Variants in MC2R observed in about 807,000 individuals in gnomAD.
MC2R encodes melanocortin 2 receptor, also known as adrenocorticotropic hormone receptor.
A neutral mutation model predicts 9.8 loss-of-function variants in MC2R; 9 were observed. That is an observed-to-expected ratio of 0.92 (90% CI 0.55 to 1.60). The LOEUF is 1.60. MC2R is among the 40% of genes most tolerant of loss of function. The pLI, the probability that MC2R is intolerant of heterozygous loss-of-function variation, is 0.00. For synonymous variants in MC2R, 185 were observed against 154.7 expected (o/e 1.20, Z -1.45); for missense variants, 370 against 389.0 (o/e 0.95, Z 0.41).
At chr18:13,902,152 TATG>T (rs1204800616) in intron 1 of MC2R, among the ~76,000 whole-genome samples, 1 of 151,998 alleles carries the variant, frequency 6.6e-6, no homozygotes, top group Non-Finnish European at 1.5e-5. Flanking sequence ...ACAAAAACCA[TATG>T]ATAATTTCAA....
At chr18:13,890,217 C>T (rs1450111511) in intron 1 of MC2R, among the ~76,000 whole-genome samples, 1 of 152,116 alleles carries the variant, frequency 6.6e-6, no homozygotes, top group African/African-American at 2.4e-5. Flanking sequence ...GGAGTTAATG[C>T]TACAGAAAGC....
rs1200270850 is a variant in MC2R, at chr18:13,883,009, A to G, written c.*1616T>C. On this transcript the variant is annotated 3_prime_UTR_variant, in exon 2 of 2. Transcript: ENST00000327606. The stretch of plus-strand genomic sequence containing the variant: ...TGAAAGCACGCCTGCCACTGTCCTC[A>G]CTTGACTCCAGCTGCCTTGCCTCCT... 1 of 152,284 alleles carries G rather than the reference A, an allele frequency of 6.6e-6. No homozygotes were observed. The highest frequency in any genetic ancestry group is 1.9e-4 in the East Asian group (1 of 5,180). 9.4% of individuals were successfully genotyped at this position (152,284 alleles called of 1,614,324 possible). A position where few individuals can be genotyped will look rare whatever the true frequency, so the allele number is the denominator to read the frequency against.
rs1255384508 is a variant in MC2R, at chr18:13,885,161, TG to T, written c.357del (p.Phe119LeufsTer5). The part of the protein sequence containing the change: ...LFVLSLLGSI[F>X]SLSVIAADRY... ...CGGTCCGCAGCAATCACAGACAGGC[TG>T]AAGATGGAGCCAAGCAGGGAGAGGA... On this transcript the variant is annotated frameshift_variant, in exon 2 of 2. Transcript: ENST00000327606. LOFTEE classifies it high-confidence loss of function. 22 of 1,613,964 alleles carry T rather than the reference TG, an allele frequency of 1.4e-5. No homozygotes were observed. The highest frequency in any genetic ancestry group is 1.9e-5 in the Non-Finnish European group (22 of 1,180,032).
intron 1 of MC2R, among the ~76,000 whole-genome samples, chr18:13,890,261 C>G (rs2045308131): frequency 6.6e-6 from 1 of 151,886 alleles, no homozygotes; most frequent in African/African-American, 2.4e-5. Context: ...GTCCTGGGGC[C>G]CATGGGCTGT....
Position 13,885,013 on chromosome 18 carries a change from G to A in MC2R, c.506C>T (p.Ser169Phe). ...TGTGITMVIF[S>F]HHVPTVITFT... ...GGTGATCACTGTGGGCACATGATGG[G>A]AGAAGATCACCATGGTGATGCCAGT... Residue 169 changes from serine (S) to phenylalanine (F), a missense_variant, in exon 2 of 2, where the codon TCC becomes TTC. Ser to Phe is a radical substitution (Grantham distance 155, BLOSUM62 -2). Transcript: ENST00000327606. 6.2e-7 allele frequency: 1 copy of A among 1,614,184 alleles called. No homozygotes were observed. The highest frequency in any genetic ancestry group is 1.7e-5 in the Admixed American group (1 of 60,028).
intron 1 of MC2R, among the ~76,000 whole-genome samples, chr18:13,898,274 G>A (rs1312774107): frequency 1.3e-5 from 2 of 152,188 alleles, no homozygotes; most frequent in Non-Finnish European, 2.9e-5. Context: ...TGGTTACAGG[G>A]TAAGGCTCCT....
At chr18:13,896,625 A>G (rs2045347546) in intron 1 of MC2R, among the ~76,000 whole-genome samples, 2 of 152,240 alleles carry the variant, frequency 1.3e-5, no homozygotes, top group African/African-American at 4.8e-5. Context: ...TTTATTAAAT[A>G]TAGGTATCTA....
chr18:13,905,753 C>G (rs1055463981), intron 1 of MC2R, among the ~76,000 whole-genome samples: 1 of 152,154 alleles, frequency 6.6e-6, no homozygotes, highest in Non-Finnish European at 1.5e-5. Flanking sequence ...TGGGTATATA[C>G]CCAAAGAAAT....
At chr18:13,889,844 G>C (rs1360860423) in intron 1 of MC2R, among the ~76,000 whole-genome samples, 1 of 152,092 alleles carries the variant, frequency 6.6e-6, no homozygotes, top group Non-Finnish European at 1.5e-5. Flanking sequence ...CAATACAAGG[G>C]AGTCCTATTC....
At chr18:13,900,980 A>G (rs975153488) in intron 1 of MC2R, among the ~76,000 whole-genome samples, 1 of 152,184 alleles carries the variant, frequency 6.6e-6, no homozygotes, top group African/African-American at 2.4e-5. Context: ...ATTCTCAAGG[A>G]CAGACCATAT....
At chr18:13,909,795 T>C (rs1296393136) in intron 1 of MC2R, among the ~76,000 whole-genome samples, 1 of 152,194 alleles carries the variant, frequency 6.6e-6, no homozygotes. Flanking sequence ...CTCAACTTGT[T>C]ATTTCCTGAC....
chr18:13,912,272 G>T (rs369369922), intron 1 of MC2R, among the ~76,000 whole-genome samples: 1 of 152,194 alleles, frequency 6.6e-6, no homozygotes, highest in South Asian at 2.1e-4. Context: ...AAGGGTAGGT[G>T]TTCCTATTTC....
intron 1 of MC2R, among the ~76,000 whole-genome samples, chr18:13,898,101 T>A (rs1031962034): frequency 2.0e-5 from 3 of 151,952 alleles, no homozygotes; most frequent in African/African-American, 7.3e-5. Flanking sequence ...GATTGACAAA[T>A]GGACAGCATT....
At chr18:13,901,025 A>G (rs1434765227) in intron 1 of MC2R, among the ~76,000 whole-genome samples, 1 of 152,200 alleles carries the variant, frequency 6.6e-6, no homozygotes. Flanking sequence ...AACATTCAAA[A>G]AAATTGAAAT....
rs994049148 is a variant in MC2R at position 13,882,314 on chromosome 18, C to A, written c.*2311G>T. ...CTATATGAAGTTAGAGGTAGAAAAACGTGAGTTTTCTCAGTAACTATGAGC... is the reference window on the plus strand; with the variant it reads ...CTATATGAAGTTAGAGGTAGAAAAAAGTGAGTTTTCTCAGTAACTATGAGC... On this transcript the variant is annotated 3_prime_UTR_variant, in exon 2 of 2. Transcript: ENST00000327606. The A allele has an allele frequency of 1.3e-5, 2 of 152,164 alleles. No individual in the cohort carries two copies. The highest frequency in any genetic ancestry group is 1.5e-5 in the Non-Finnish European group (1 of 68,032). 9.4% of individuals were successfully genotyped at this position (152,164 alleles called of 1,614,324 possible).
rs34352644 is a variant in MC2R at position 13,892,805 on chromosome 18, TACACACACACAC to T, written c.-128-7171_-128-7160del. 2.6e-3 allele frequency among the ~76,000 whole-genome samples: 382 copies of T among 147,196 alleles called. 1 individual carries two copies. The highest frequency in any genetic ancestry group is 6.9e-3 in the Middle Eastern group (2 of 288). On this transcript the variant is annotated intron_variant, in intron 1 of 1. Coordinates refer to ENST00000327606, the MANE Select transcript of MC2R (RefSeq NM_000529.2). ...AGAGATGGAGATAGACATAATCTGT[TACACACACACAC>T]ACACACACACACACACACACACACA...
rs1490561558 is a variant in MC2R at position 13,883,619 on chromosome 18, ACACACACACTCTCTCTCTCTCT to A, written c.*984_*1005del. On this transcript the variant is annotated 3_prime_UTR_variant, in exon 2 of 2. Coordinates refer to ENST00000327606, the MANE Select transcript of MC2R (RefSeq NM_000529.2). Reference sequence around the variant, plus strand: ...CACACACACACACACACACACACACACACACACACTCTCTCTCTCTCTCTCTCTCTCTCTCTCTGTCTGTCTC... The same window carrying A: ...CACACACACACACACACACACACACACTCTCTCTCTCTCTCTGTCTGTCTC... The A allele has an allele frequency of 1.0e-3, 79 of 76,382 alleles. 1 individual carries two copies. The highest frequency in any genetic ancestry group is 4.0e-3 in the African/African-American group (78 of 19,572). 4.7% of individuals were successfully genotyped at this position (76,382 alleles called of 1,614,324 possible). A position where few individuals can be genotyped will look rare whatever the true frequency, so the allele number is the denominator to read the frequency against.
intron 1 of MC2R, among the ~76,000 whole-genome samples, chr18:13,890,704 G>T (rs1344553201): frequency 6.6e-6 from 1 of 152,166 alleles, no homozygotes; most frequent in African/African-American, 2.4e-5. Context: ...ATGTCTGTGT[G>T]TCTGTATGTG....
chr18:13,905,224 A>G (rs1299872244), intron 1 of MC2R, among the ~76,000 whole-genome samples: 1 of 152,238 alleles, frequency 6.6e-6, no homozygotes, highest in South Asian at 2.1e-4. Context: ...TGGGCAAAGT[A>G]TATGAACAGA....
Sources: gnomAD v4.1 joint callset for allele counts (sites outside exome capture counted in the v4.1 genomes callset) on GRCh38, gnomAD v4.1.1 for gene constraint, MANE v1.5 for transcripts, NCBI Gene and HGNC (gene_info 2026-07-23, HGNC 2026-07-21) for gene names.